The following MAN2A1 variants were observed in gnomAD, a reference collection of about 807,000 sequenced individuals.
The protein encoded by MAN2A1 is alpha-mannosidase 2.
In MAN2A1, 76 loss-of-function variants were observed where a neutral mutation model predicts 142.6. That is an observed-to-expected ratio of 0.53 (90% CI 0.44 to 0.65). The LOEUF (loss-of-function observed/expected upper bound fraction) is 0.65, where lower values mean the gene tolerates loss of function less well. Ranked by LOEUF, MAN2A1 falls within the 30% of genes least tolerant of loss-of-function variation. The pLI is 0.00. For missense variants in MAN2A1, 1,311 were observed against 1,365.1 expected, an observed-to-expected ratio of 0.96 and a Z score of 0.62; for synonymous variants, 559 against 473.2, an observed-to-expected ratio of 1.18 and a Z score of -2.35.
At chr5:109,732,245 G>A (rs1370688616) in intron 4 of MAN2A1, among the ~76,000 whole-genome samples, 3 of 150,790 alleles carry the variant, frequency 2.0e-5, no homozygotes, top group South Asian at 2.1e-4. Context: ...TGAGTTCATT[G>A]TAGATTCTGG....
intron 5 of MAN2A1, 109 bp from the exon 6 acceptor site, chr5:109,767,426 C>A: frequency 1.2e-6 from 1 of 832,238 alleles, no homozygotes; most frequent in Non-Finnish European, 1.8e-6. Context: ...GATCCTTGGT[C>A]TGATATCTCT....
At chr5:109,732,498 CTAACGTT>C (rs1751944969) in intron 4 of MAN2A1, among the ~76,000 whole-genome samples, 1 of 152,104 alleles carries the variant, frequency 6.6e-6, no homozygotes, top group Non-Finnish European at 1.5e-5. Context: ...GATTTTAGGT[CTAACGTT>C]TAAGTCTTTA....
At chr5:109,794,096 TTTA>T in intron 12 of MAN2A1, 1 of 152,162 alleles carries the variant, frequency 6.6e-6, no homozygotes, top group East Asian at 1.9e-4. Context: ...CAACCTTATT[TTTA>T]TTGTTTGGAA....
At chr5:109,762,486 A>C (rs1023686403) in intron 5 of MAN2A1, among the ~76,000 whole-genome samples, 6 of 152,100 alleles carry the variant, frequency 3.9e-5, no homozygotes, top group South Asian at 4.1e-4. Flanking sequence ...AGTGGCAGCG[A>C]GGCCTCTTGT....
intron 16 of MAN2A1, among the ~76,000 whole-genome samples, chr5:109,835,735 G>T (rs1755040299): frequency 1.3e-5 from 2 of 152,160 alleles, no homozygotes; most frequent in Non-Finnish European, 2.9e-5. Context: ...AGTGTGGTGA[G>T]AGTGGTGTAT....
chr5:109,719,015 T>C (rs1751531663), intron 3 of MAN2A1, among the ~76,000 whole-genome samples: 1 of 152,110 alleles, frequency 6.6e-6, no homozygotes. Flanking sequence ...TCTTTTGTAA[T>C]TTTATGTACT....
At chr5:109,719,789 A>G (rs114114067) in intron 3 of MAN2A1, among the ~76,000 whole-genome samples, 3 of 152,220 alleles carry the variant, frequency 2.0e-5, no homozygotes, top group Non-Finnish European at 4.4e-5. Context: ...TGAGTTGGTA[A>G]TATCTCTCAA....
chr5:109,823,920 CAGTT>C, intron 16 of MAN2A1, 83 bp downstream of exon 16: 1 of 635,014 alleles, frequency 1.6e-6, no homozygotes, highest in Non-Finnish European at 2.6e-6. Context: ...CTTAAATTAA[CAGTT>C]GGTTTTTGTA....
chr5:109,691,007 C>T (rs1425733197), intron 1 of MAN2A1, among the ~76,000 whole-genome samples: 2 of 152,326 alleles, frequency 1.3e-5, no homozygotes, highest in East Asian at 3.9e-4. Context: ...ACCGAACCCA[C>T]CTAGGCTTTT....
At chr5:109,789,764 G>A (rs1006829249) in intron 12 of MAN2A1, among the ~76,000 whole-genome samples, 3 of 151,714 alleles carry the variant, frequency 2.0e-5, no homozygotes, top group Non-Finnish European at 4.4e-5. Context: ...CAGATATAAG[G>A]TATAGCATGA....
At chr5:109,849,702 G>GTT (rs1193668451) in intron 19 of MAN2A1, among the ~76,000 whole-genome samples, 1 of 143,372 alleles carries the variant, frequency 7.0e-6, no homozygotes. Flanking sequence ...AGGCAGAATG[G>GTT]TTTTTTTTTT....
At chr5:109,729,884 C>A (rs188027816) in intron 4 of MAN2A1, among the ~76,000 whole-genome samples, 1 of 151,884 alleles carries the variant, frequency 6.6e-6, no homozygotes, top group Admixed American at 6.6e-5. Context: ...TCCAACTACT[C>A]AGGAGGCTCA....
intron 4 of MAN2A1, among the ~76,000 whole-genome samples, chr5:109,737,182 C>G (rs1365357563): frequency 6.0e-5 from 9 of 149,420 alleles, no homozygotes; most frequent in African/African-American, 2.2e-4. Context: ...CAACCTCTGC[C>G]TCCCAGTTCA....
rs763622004 is a variant in MAN2A1 at position 109,865,154 on chromosome 5, G to A, written c.3282+8G>A. The A allele has an allele frequency of 4.4e-6, 7 of 1,599,156 alleles. No individual in the cohort carries two copies. The South Asian group carries it at 6.6e-5, about 15-fold the overall frequency. ...TCTACTACTCAGGGAAAGGTAAGTTGAAAAGGTTATTTTTGCTTACTGTTA... is the reference window on the plus strand; with the variant it reads ...TCTACTACTCAGGGAAAGGTAAGTTAAAAAGGTTATTTTTGCTTACTGTTA... On this transcript the variant is annotated splice_region_variant and intron_variant, in intron 21 of 21. Coordinates refer to ENST00000261483, the MANE Select transcript of MAN2A1 (RefSeq NM_002372.4).
At chr5:109,806,527 T>G (rs1754170802) in intron 12 of MAN2A1, among the ~76,000 whole-genome samples, 1 of 152,234 alleles carries the variant, frequency 6.6e-6, no homozygotes, top group African/African-American at 2.4e-5. Flanking sequence ...ATATTTGACT[T>G]ACTGCTTTGT....
chr5:109,770,797 T>G (rs1375161430), intron 7 of MAN2A1, among the ~76,000 whole-genome samples: 2 of 152,160 alleles, frequency 1.3e-5, no homozygotes. Flanking sequence ...TATTACCATC[T>G]CCTTTGCCCT....
At chr5:109,796,688 G>C (rs1220863602) in intron 12 of MAN2A1, among the ~76,000 whole-genome samples, 1 of 152,188 alleles carries the variant, frequency 6.6e-6, no homozygotes, top group African/African-American at 2.4e-5. Flanking sequence ...GTTGAAGAAA[G>C]AAGCCTTCCC....
intron 10 of MAN2A1, among the ~76,000 whole-genome samples, chr5:109,787,387 C>T (rs1003534706): frequency 2.6e-5 from 4 of 151,754 alleles, no homozygotes; most frequent in African/African-American, 9.7e-5. Flanking sequence ...AACCGTATTC[C>T]GTATTAATAG....
intron 4 of MAN2A1, among the ~76,000 whole-genome samples, chr5:109,746,531 T>A: frequency 6.6e-6 from 1 of 151,866 alleles, no homozygotes; most frequent in Non-Finnish European, 1.5e-5. Flanking sequence ...GGCATAGGCA[T>A]ATATATTATA....
Sources: gnomAD v4.1 joint callset for allele counts (sites outside exome capture counted in the v4.1 genomes callset) on GRCh38, gnomAD v4.1.1 for gene constraint, MANE v1.5 for transcripts, NCBI Gene and HGNC (gene_info 2026-07-23, HGNC 2026-07-21) for gene names.